Variants in HEATR5B observed in about 807,000 individuals in gnomAD.
HEATR5B encodes HEAT repeat-containing protein 5B.
Under a neutral mutation model 224.1 loss-of-function variants are expected in HEATR5B, and 156 were observed. The observed-to-expected ratio is 0.70, with a 90% CI of 0.61 to 0.80. The LOEUF (loss-of-function observed/expected upper bound fraction) is 0.80, where lower values mean the gene tolerates loss of function less well. HEATR5B is among the 30% of genes least tolerant of loss of function. The pLI is 0.00. For synonymous variants in HEATR5B, 1,027 were observed against 893.0 expected (o/e 1.15, Z -2.68); for missense variants, 2,323 against 2,535.5 (o/e 0.92, Z 1.80).
intron 18 of HEATR5B, among the ~76,000 whole-genome samples, chr2:37,044,729 T>C (rs1670083678): frequency 6.6e-6 from 1 of 152,208 alleles, no homozygotes; most frequent in Admixed American, 6.5e-5. Flanking sequence ...CTACTGGCAA[T>C]ATATAAGAGT....
chr2:37,005,809 T>C (rs1195611829), intron 29 of HEATR5B, 50 bp from the exon 30 acceptor site: 13 of 1,396,336 alleles, frequency 9.3e-6, no homozygotes, highest in Admixed American at 2.4e-5. Context: ...AAACACTTTA[T>C]GTTGTTTGAT....
intron 27 of HEATR5B, among the ~76,000 whole-genome samples, chr2:37,011,425 T>A (rs1667779478): frequency 6.6e-6 from 1 of 152,252 alleles, no homozygotes; most frequent in East Asian, 1.9e-4. Flanking sequence ...ACTGTAAGAC[T>A]TTACGGTCTA....
At chr2:37,054,010 A>G (rs1670724697) in intron 16 of HEATR5B, among the ~76,000 whole-genome samples, 1 of 151,986 alleles carries the variant, frequency 6.6e-6, no homozygotes, top group Non-Finnish European at 1.5e-5. Flanking sequence ...TATTTTAAAA[A>G]TACTCTTAGA....
chr2:37,056,384 T>C (rs1233120967), intron 16 of HEATR5B, 56 bp downstream of exon 16: 1 of 1,260,640 alleles, frequency 7.9e-7, no homozygotes, highest in Admixed American at 2.6e-5. Flanking sequence ...AAAATCTACT[T>C]TTCGTTTAAC....
intron 5 of HEATR5B, among the ~76,000 whole-genome samples, chr2:37,074,999 A>G (rs1316833227): frequency 6.6e-6 from 1 of 152,262 alleles, no homozygotes; most frequent in Non-Finnish European, 1.5e-5. Flanking sequence ...TTTGGAAAAC[A>G]GTTTTGTACT....
intron 17 of HEATR5B, among the ~76,000 whole-genome samples, chr2:37,052,565 T>C (rs1334996677): frequency 6.6e-6 from 1 of 152,252 alleles, no homozygotes; most frequent in African/African-American, 2.4e-5. Flanking sequence ...ATATTATTTC[T>C]TGCCTTCTTA....
At position 37,057,444 on chromosome 2, in the gene HEATR5B, T is replaced by A; in HGVS notation, c.2096A>T (p.Glu699Val). 1 of 1,610,820 alleles carries A rather than the reference T, an allele frequency of 6.2e-7. No homozygotes were observed. Among genetic ancestry groups the A allele is most frequent in the Non-Finnish European group, 8.5e-7 (1 of 1,178,632 alleles). The change falls in exon 15 of 36, where the codon GAA becomes GTA. Residue 699 changes from glutamate to valine, a missense_variant. By Grantham distance (121) the Glu-to-Val change is moderately radical. Coordinates refer to ENST00000233099, the MANE Select transcript of HEATR5B (RefSeq NM_019024.3). ...FNALLRELVAEFTLTDNSANT... is the reference protein window; with the variant it reads ...FNALLRELVAVFTLTDNSANT... ...GGCTGAGTTGTCAGTCAAAGTGAAT[T>A]CCGCTACCAGTTCTCTAAGAAGTGC...
Position 37,008,654 on chromosome 2 carries a change from G to A in HEATR5B, c.4479C>T (p.Leu1493=), listed in dbSNP as rs755042605. ...LWLAALKDYA[L]LTLPAEFSSQ... ...TAGAAAATTCGGCTGGTAAAGTCAA[G>A]AGTGCATAATCTTTTAATGCTGCTA... is the stretch of plus-strand genomic sequence containing the variant. Residue 1493 remains leucine (L), a synonymous_variant, in exon 28 of 36, where the codon CTC becomes CTT. Coordinates refer to ENST00000233099, the MANE Select transcript of HEATR5B (RefSeq NM_019024.3). 1 of 1,613,988 alleles carries A rather than the reference G, an allele frequency of 6.2e-7. No individual in the cohort carries two copies. Among genetic ancestry groups the A allele is most frequent in the African/African-American group, 1.3e-5 (1 of 74,918 alleles).
At chr2:37,018,855 G>C (rs1265412496) in intron 26 of HEATR5B, among the ~76,000 whole-genome samples, 1 of 152,122 alleles carries the variant, frequency 6.6e-6, no homozygotes, top group Non-Finnish European at 1.5e-5. Flanking sequence ...CTGATTAAAG[G>C]AATAAGAAAA....
intron 4 of HEATR5B, chr2:37,076,231 T>C (rs1460697784): frequency 6.6e-6 from 1 of 152,316 alleles, no homozygotes; most frequent in Non-Finnish European, 1.5e-5. Flanking sequence ...TCTTTGTATG[T>C]TTAATGCCTG....
intron 35 of HEATR5B, among the ~76,000 whole-genome samples, chr2:36,985,621 CTTTTTTTT>C (rs558499229): frequency 6.5e-5 from 6 of 92,298 alleles, no homozygotes; most frequent in African/African-American, 1.9e-4. Flanking sequence ...CCACTCCTGG[CTTTTTTTT>C]TTTTTTTTTT....
intron 18 of HEATR5B, among the ~76,000 whole-genome samples, chr2:37,047,128 T>C (rs1670254111): frequency 6.7e-6 from 1 of 150,000 alleles, no homozygotes; most frequent in Non-Finnish European, 1.5e-5. Context: ...AGGGCTGCTT[T>C]AGCCAAGGAG....
At chr2:36,995,386 G>T (rs953341526) in intron 33 of HEATR5B, among the ~76,000 whole-genome samples, 3 of 151,954 alleles carry the variant, frequency 2.0e-5, no homozygotes, top group Non-Finnish European at 2.9e-5. Flanking sequence ...GCCAGCCCTT[G>T]TTATTCCTAT....
intron 24 of HEATR5B, among the ~76,000 whole-genome samples, chr2:37,022,395 T>C (rs1284615719): frequency 1.3e-5 from 2 of 152,130 alleles, no homozygotes; most frequent in African/African-American, 4.8e-5. Context: ...ACCAGGCTGG[T>C]CTCAAACTCC....
intron 18 of HEATR5B, among the ~76,000 whole-genome samples, chr2:37,046,659 T>A (rs528378604): frequency 3.9e-4 from 55 of 140,520 alleles, no homozygotes; most frequent in East Asian, 2.7e-3. Flanking sequence ...AAAAAAAAAA[T>A]ATTGAGAGAC....
At chr2:37,064,109 C>T (rs1366525657) in intron 10 of HEATR5B, among the ~76,000 whole-genome samples, 2 of 152,100 alleles carry the variant, frequency 1.3e-5, no homozygotes, top group Non-Finnish European at 1.5e-5. Flanking sequence ...CCATCATGCC[C>T]GGCCATGATT....
At chr2:36,987,679 G>T (rs1666038235) in intron 35 of HEATR5B, among the ~76,000 whole-genome samples, 1 of 151,946 alleles carries the variant, frequency 6.6e-6, no homozygotes, top group Admixed American at 6.6e-5. Flanking sequence ...CAAGTTTTGA[G>T]ATATTTTAAT....
intron 5 of HEATR5B, among the ~76,000 whole-genome samples, chr2:37,074,981 A>G (rs1055482105): frequency 2.6e-5 from 4 of 152,270 alleles, no homozygotes; most frequent in Admixed American, 1.3e-4. Flanking sequence ...GCAGAATGGC[A>G]CGAGTACTTT....
rs750970688 is a variant in HEATR5B at position 36,988,844 on chromosome 2, A to G, written c.5713T>C (p.Tyr1905His). 2 of 1,614,032 alleles carry G rather than the reference A, an allele frequency of 1.2e-6. No individual in the cohort carries two copies. Among genetic ancestry groups the G allele is most frequent in the Non-Finnish European group, 8.5e-7 (1 of 1,179,888 alleles). Residue 1905 changes from tyrosine to histidine, a missense_variant, in exon 35 of 36, where the codon TAC (tyrosine) becomes CAC (histidine). By Grantham distance (83) the Tyr-to-His change is moderately conservative. Around this residue, in one of 12 missense-constraint regions of HEATR5B, gnomAD observed 844 missense variants for 812.9 expected, o/e 1.04. Coordinates refer to ENST00000233099, the MANE Select transcript of HEATR5B (RefSeq NM_019024.3). ...SCDPWVQAKC[Y>H]QLLLSVFQHS... ...TGGAAGACTGAGAGGAGAAGCTGGTAACATTTGGCTTGAACCTATATAAGA... is the reference window on the plus strand; with the variant it reads ...TGGAAGACTGAGAGGAGAAGCTGGTGACATTTGGCTTGAACCTATATAAGA...
Sources: allele counts gnomAD v4.1 joint callset (sites outside exome capture counted in the v4.1 genomes callset), GRCh38; gene constraint gnomAD v4.1.1; regional missense constraint gnomAD v4.1.1; transcripts MANE v1.5; gene names NCBI Gene and HGNC (gene_info 2026-07-23, HGNC 2026-07-21).